Variants in MGAT4C observed in about 807,000 individuals in gnomAD.
MGAT4C encodes the protein alpha-1,3-mannosyl-glycoprotein 4-beta-N-acetylglucosaminyltransferase C.
In MGAT4C, 19 loss-of-function variants were observed where a neutral mutation model predicts 40.1. The ratio of observed to expected loss-of-function variants is 0.47; its 90% confidence interval spans 0.33 to 0.70. MGAT4C has a LOEUF of 0.70. Among genes scored for constraint, MGAT4C ranks in the 30% least tolerant of loss-of-function variants. The pLI is 0.02. For missense variants in MGAT4C, 491 were observed against 563.2 expected (o/e 0.87, Z 1.30); for synonymous variants, 181 against 187.1 (o/e 0.97, Z 0.27).
intron 1 of MGAT4C, among the ~76,000 whole-genome samples, chr12:86,079,435 C>A (rs1178812001): frequency 6.6e-6 from 1 of 152,106 alleles, no homozygotes; most frequent in Non-Finnish European, 1.5e-5. Context: ...AGGAAGCAGC[C>A]TCAAATTCTG....
chr12:86,328,981 T>C (rs1954589748), intron 4 of MGAT4C, among the ~76,000 whole-genome samples: 1 of 151,814 alleles, frequency 6.6e-6, no homozygotes, highest in Admixed American at 6.6e-5. Flanking sequence ...TGGGTGCCTG[T>C]AATCCCAGCT....
intron 1 of MGAT4C, among the ~76,000 whole-genome samples, chr12:86,814,961 G>A (rs1952571231): frequency 6.6e-6 from 1 of 151,934 alleles, no homozygotes; most frequent in South Asian, 2.1e-4. Flanking sequence ...TTTTGTTATA[G>A]CATCCTGAGT....
intron 3 of MGAT4C, among the ~76,000 whole-genome samples, chr12:86,406,808 C>T (rs116856510): frequency 0.019 from 2,885 of 152,168 alleles, 42 homozygotes; most frequent in Middle Eastern, 0.037. Context: ...ACACTCAACA[C>T]GCATACTTCT....
intron 3 of MGAT4C, among the ~76,000 whole-genome samples, chr12:86,383,719 G>T (rs575138121): frequency 9.9e-5 from 15 of 152,184 alleles, no homozygotes; most frequent in Non-Finnish European, 2.2e-4. Flanking sequence ...AACTAACTTG[G>T]TTTTGATTTT....
chr12:86,036,881 T>C (rs1248336513), intron 2 of MGAT4C, among the ~76,000 whole-genome samples: 1 of 149,944 alleles, frequency 6.7e-6, no homozygotes, highest in African/African-American at 2.4e-5. Context: ...CCAGCTCCTC[T>C]TTGTACCTCT....
chr12:86,077,607 G>A (rs1869999733), intron 1 of MGAT4C, among the ~76,000 whole-genome samples: 1 of 152,124 alleles, frequency 6.6e-6, no homozygotes, highest in Non-Finnish European at 1.5e-5. Flanking sequence ...TACCCATTCT[G>A]AATACACTTT....
chr12:86,266,561 T>A (rs992555356), intron 4 of MGAT4C, among the ~76,000 whole-genome samples: 6 of 152,162 alleles, frequency 3.9e-5, no homozygotes, highest in African/African-American at 1.4e-4. Flanking sequence ...GAAAATTTTG[T>A]GTCTATGATT....
intron 2 of MGAT4C, among the ~76,000 whole-genome samples, chr12:86,696,069 G>A (rs527241741): frequency 6.6e-5 from 10 of 151,912 alleles, no homozygotes; most frequent in Non-Finnish European, 1.2e-4. Flanking sequence ...AAAATTAGCT[G>A]GGCGTGGTGG....
At chr12:86,434,669 C>T (rs961055983) in intron 3 of MGAT4C, among the ~76,000 whole-genome samples, 3 of 151,702 alleles carry the variant, frequency 2.0e-5, no homozygotes, top group African/African-American at 7.3e-5. Context: ...CAGAATAATC[C>T]CCAGCTTTTC....
intron 1 of MGAT4C, among the ~76,000 whole-genome samples, chr12:86,249,284 G>A (rs1952167648): frequency 2.0e-5 from 3 of 152,174 alleles, no homozygotes; most frequent in African/African-American, 4.8e-5. Context: ...ATTATGTCAT[G>A]TGTGACCCAC....
intron 1 of MGAT4C, among the ~76,000 whole-genome samples, chr12:86,207,130 G>A (rs550234489): frequency 3.5e-4 from 52 of 147,728 alleles, no homozygotes; most frequent in African/African-American, 1.2e-3. Context: ...TTTTTAGCTC[G>A]CTTAATCTTT....
At chr12:86,180,443 A>G (rs1234863547) in intron 1 of MGAT4C, among the ~76,000 whole-genome samples, 1 of 152,174 alleles carries the variant, frequency 6.6e-6, no homozygotes, top group Non-Finnish European at 1.5e-5. Context: ...AGTGGTAGAT[A>G]CACAGACAGC....
At chr12:86,272,182 C>G (rs1471249536) in intron 4 of MGAT4C, among the ~76,000 whole-genome samples, 2 of 152,128 alleles carry the variant, frequency 1.3e-5, no homozygotes, top group Admixed American at 1.3e-4. Flanking sequence ...ATACCTGTAA[C>G]ACAATTTCCC....
At chr12:86,832,563 A>G (rs1288909284) in intron 1 of MGAT4C, among the ~76,000 whole-genome samples, 1 of 151,892 alleles carries the variant, frequency 6.6e-6, no homozygotes, top group Non-Finnish European at 1.5e-5. Context: ...TGTAAATAAG[A>G]TTAAAATAAG....
chr12:86,573,607 C>T (rs1199146397), intron 2 of MGAT4C, among the ~76,000 whole-genome samples: 1 of 151,974 alleles, frequency 6.6e-6, no homozygotes, highest in Non-Finnish European at 1.5e-5. Context: ...AATATGGCTC[C>T]ATGAGGGCAA....
intron 4 of MGAT4C, among the ~76,000 whole-genome samples, chr12:86,303,430 TC>T (rs1953860873): frequency 6.6e-6 from 1 of 150,410 alleles, no homozygotes; most frequent in African/African-American, 2.5e-5. Flanking sequence ...GAAATCAGAA[TC>T]TTATAGTAGA....
At chr12:86,180,008 G>A (rs1887931572) in intron 1 of MGAT4C, among the ~76,000 whole-genome samples, 1 of 152,190 alleles carries the variant, frequency 6.6e-6, no homozygotes, top group African/African-American at 2.4e-5. Context: ...CAGGCCCAGA[G>A]GCCCAGGAGG....
chr12:86,801,370 G>A (rs536069921), intron 1 of MGAT4C, among the ~76,000 whole-genome samples: 2 of 151,828 alleles, frequency 1.3e-5, no homozygotes, highest in Non-Finnish European at 2.9e-5. Context: ...TTTTACCAAT[G>A]TATGGACTGA....
chr12:86,068,557 A>C (rs918141349), intron 1 of MGAT4C: 2 of 148,300 alleles, frequency 1.3e-5, no homozygotes, highest in East Asian at 3.9e-4. Context: ...AAATATATAT[A>C]AGTATATTTA....
Sources: allele counts gnomAD v4.1 joint callset (sites outside exome capture counted in the v4.1 genomes callset), GRCh38; gene constraint gnomAD v4.1.1; transcripts MANE v1.5; gene names NCBI Gene and HGNC (gene_info 2026-07-23, HGNC 2026-07-21).